Variants in MTMR3 observed in about 807,000 individuals in gnomAD.
The protein encoded by MTMR3 is myotubularin related protein 3, also known as phosphatidylinositol-3,5-bisphosphate 3-phosphatase MTMR3.
In MTMR3, 32 loss-of-function variants were observed where a neutral mutation model predicts 132.4. The ratio of observed to expected loss-of-function variants is 0.24; its 90% confidence interval spans 0.18 to 0.32. The LOEUF (loss-of-function observed/expected upper bound fraction) is 0.32. Ranked by LOEUF, MTMR3 falls within the 10% of genes least tolerant of loss-of-function variation. The pLI is 1.00. For synonymous variants in MTMR3, 556 were observed against 550.3 expected (o/e 1.01, Z -0.14); for missense variants, 1,216 against 1,489.6 (o/e 0.82, Z 3.02).
chr22:29,938,914 C>T (rs866672937), intron 1 of MTMR3, among the ~76,000 whole-genome samples: 65 of 152,134 alleles, frequency 4.3e-4, no homozygotes, highest in Middle Eastern at 6.8e-3. Flanking sequence ...CTCCACCTCC[C>T]GGGTTCAACC....
rs189521534 is a variant in MTMR3 at position 29,965,040 on chromosome 22, A to G, written c.-84-5936A>G. Among the ~76,000 whole-genome samples, 7 of 152,166 alleles carry G rather than the reference A, an allele frequency of 4.6e-5. No homozygotes were observed. The East Asian group carries it at 1.4e-3, about 29-fold the overall frequency. ...ATTAGAAACTGGCCTTGCCCCACCA[A>G]GTAGTCTTTTCTGATCACTTTATCT... is the stretch of plus-strand genomic sequence containing the variant. On this transcript the variant is annotated intron_variant, in intron 2 of 19. Transcript: ENST00000401950.
At chr22:29,884,484 C>A (rs1312540381) in intron 1 of MTMR3, among the ~76,000 whole-genome samples, 1 of 148,682 alleles carries the variant, frequency 6.7e-6, no homozygotes, top group Non-Finnish European at 1.5e-5. Context: ...ACATTGATGG[C>A]ATGCAGAAAG....
chr22:29,912,968 C>A (rs559888245), intron 1 of MTMR3, among the ~76,000 whole-genome samples: 3 of 152,244 alleles, frequency 2.0e-5, no homozygotes, highest in Non-Finnish European at 4.4e-5. Flanking sequence ...GTCAGCCAGG[C>A]ACAGTGGCTT....
At chr22:29,915,144 G>T (rs1341459702) in intron 1 of MTMR3, among the ~76,000 whole-genome samples, 1 of 152,128 alleles carries the variant, frequency 6.6e-6, no homozygotes, top group Non-Finnish European at 1.5e-5. Context: ...ATATTTTGAA[G>T]TTCTGTTTTT....
intron 1 of MTMR3, among the ~76,000 whole-genome samples, chr22:29,942,455 G>A (rs973941487): frequency 1.3e-5 from 2 of 152,174 alleles, no homozygotes; most frequent in Non-Finnish European, 2.9e-5. Flanking sequence ...CATTGTCATT[G>A]ATAACATCTT....
At chr22:29,950,365 T>TA (rs774201137) in intron 1 of MTMR3, among the ~76,000 whole-genome samples, 2 of 149,250 alleles carry the variant, frequency 1.3e-5, no homozygotes, top group Admixed American at 6.7e-5. Flanking sequence ...ATTTTTTTAT[T>TA]TATTTTTTTA....
chr22:29,955,733 A>G (rs959168219), intron 1 of MTMR3, among the ~76,000 whole-genome samples: 2 of 152,168 alleles, frequency 1.3e-5, no homozygotes, highest in African/African-American at 4.8e-5. Flanking sequence ...TTAATAATGT[A>G]CCATATTTTA....
At chr22:29,995,113 C>G (rs1214746055) in intron 7 of MTMR3, 2 of 152,294 alleles carry the variant, frequency 1.3e-5, no homozygotes, top group Non-Finnish European at 1.5e-5. Flanking sequence ...TAACCTCTCT[C>G]ATGTGAAATG....
rs534402137 is a variant in MTMR3, at chr22:29,992,401, C to G, written c.460+731C>G. On this transcript the variant is annotated intron_variant, in intron 7 of 19. Transcript: ENST00000401950. The stretch of plus-strand genomic sequence containing the variant: ...GGTTTTAACATGTGACCCCCTCCCC[C>G]CCAAAAAAACCAAAAAGAGATGCTG... The G allele has an allele frequency of 3.9e-5, 6 of 152,354 alleles. No individual in the cohort carries two copies. The South Asian group carries it at 6.2e-4, about 16-fold the overall frequency. 9.4% of individuals were successfully genotyped at this position (152,354 alleles called of 1,614,324 possible). A position where few individuals can be genotyped will look rare whatever the true frequency, so the allele number is the denominator to read the frequency against.
In MTMR3 at chr22:30,026,194, C is replaced by G. The variant is rs1033106889; in HGVS notation, c.*393C>G. 19 of 191,080 alleles carry G rather than the reference C, an allele frequency of 9.9e-5. No homozygotes were observed. Among genetic ancestry groups the G allele is most frequent in the South Asian group, 4.8e-4 (4 of 8,416 alleles). The allele number at this position is 191,080 out of a possible 1,614,324, so 11.8% of individuals were successfully genotyped here. On this transcript the variant is annotated 3_prime_UTR_variant, in exon 20 of 20. Coordinates refer to ENST00000401950, the MANE Select transcript of MTMR3 (RefSeq NM_021090.4). Reference sequence around the variant, plus strand: ...AGCCAGGAGTATGGAGATCTGAGACCGTGAGCAGGGAAGAAAGCCAGTGCT... The same window carrying G: ...AGCCAGGAGTATGGAGATCTGAGACGGTGAGCAGGGAAGAAAGCCAGTGCT...
intron 2 of MTMR3, among the ~76,000 whole-genome samples, chr22:29,965,043 A>C (rs2066387920): frequency 6.6e-6 from 1 of 152,132 alleles, no homozygotes; most frequent in Admixed American, 6.5e-5. Flanking sequence ...CCCACCAAGT[A>C]GTCTTTTCTG....
intron 1 of MTMR3, among the ~76,000 whole-genome samples, chr22:29,895,592 G>C (rs776654193): frequency 6.6e-6 from 1 of 152,196 alleles, no homozygotes; most frequent in Admixed American, 6.5e-5. Flanking sequence ...TTGAAATGTT[G>C]GTTGTGCAAC....
rs1443887751 is a variant in MTMR3, at chr22:29,976,639, T to A, written c.4-1803T>A. On this transcript the variant is annotated intron_variant, in intron 3 of 19. Transcript: ENST00000401950. ...CAATTGTGCTAAGGTACCAGCAGTT[T>A]TACCTACCAGGTTTTTTTGCACTAT... Among the ~76,000 whole-genome samples the A allele has an allele frequency of 5.3e-5, 8 of 152,208 alleles. 1 individual carries two copies. Among genetic ancestry groups the A allele is most frequent in the Admixed American group, 5.2e-4 (8 of 15,272 alleles).
Position 30,012,350 on chromosome 22 carries a change from CCTCTCCT to C in MTMR3, c.1122-17_1122-11del. The stretch of plus-strand genomic sequence containing the variant: ...CATAAAAAAATCAGCATTTTCTAAT[CCTCTCCT>C]GTTTTTATAGTTGGCTATCAGCTCT... On this transcript the variant is annotated splice_polypyrimidine_tract_variant and intron_variant, in intron 12 of 19. Coordinates refer to ENST00000401950, the MANE Select transcript of MTMR3 (RefSeq NM_021090.4). 2.5e-6 allele frequency: 4 copies of C among 1,604,982 alleles called. No individual in the cohort carries two copies. The highest frequency in any genetic ancestry group is 3.4e-6 in the Non-Finnish European group (4 of 1,176,566).
rs1027052467 is a variant in MTMR3, at chr22:30,027,804, T to C, written c.*2003T>C. On this transcript the variant is annotated 3_prime_UTR_variant, in exon 20 of 20. Transcript: ENST00000401950. Reference sequence around the variant, plus strand: ...TTTTGTCAAAGCAAGAAGTAAATACTTTAGAATTGTTAAATATATAAATAA... The same window carrying C: ...TTTTGTCAAAGCAAGAAGTAAATACCTTAGAATTGTTAAATATATAAATAA... 1.3e-5 allele frequency: 2 copies of C among 152,478 alleles called. No individual in the cohort carries two copies. The highest frequency in any genetic ancestry group is 2.9e-5 in the Non-Finnish European group (2 of 68,052). The allele number at this position is 152,478 out of a possible 1,614,324, so 9.4% of individuals were successfully genotyped here.
chr22:29,969,072 T>C (rs2066482675), intron 2 of MTMR3, among the ~76,000 whole-genome samples: 2 of 152,238 alleles, frequency 1.3e-5, no homozygotes, highest in South Asian at 4.1e-4. Flanking sequence ...ATCTCTAGGC[T>C]CCATCTTCTT....
chr22:29,940,599 A>G (rs923347062), intron 1 of MTMR3, among the ~76,000 whole-genome samples: 6 of 149,914 alleles, frequency 4.0e-5, no homozygotes, highest in Non-Finnish European at 7.4e-5. Context: ...AATAGGAAAA[A>G]TCGGAACATT....
chr22:30,000,522 A>G (rs2145924398), intron 8 of MTMR3: 1 of 152,248 alleles, frequency 6.6e-6, no homozygotes, highest in African/African-American at 2.4e-5. Context: ...TCCCTGCATC[A>G]TTAATCATTC....
intron 1 of MTMR3, among the ~76,000 whole-genome samples, chr22:29,939,281 T>C (rs1296588310): frequency 6.6e-6 from 1 of 152,196 alleles, no homozygotes; most frequent in Non-Finnish European, 1.5e-5. Flanking sequence ...GTTCAAACTA[T>C]TTTTATTATA....
Sources: gnomAD v4.1 joint callset for allele counts (sites outside exome capture counted in the v4.1 genomes callset) on GRCh38, gnomAD v4.1.1 for gene constraint, MANE v1.5 for transcripts, NCBI Gene and HGNC (gene_info 2026-07-23, HGNC 2026-07-21) for gene names.